RGS17: variants seen among roughly 807,000 people sequenced by gnomAD.
RGS17 encodes the protein regulator of G protein signaling 17.
RGS17 carries 12 observed loss-of-function variants against 25.5 expected under a neutral mutation model. The ratio of observed to expected loss-of-function variants is 0.47; its 90% CI spans 0.30 to 0.76. The LOEUF (loss-of-function observed/expected upper bound fraction) is 0.76, where lower values mean the gene tolerates loss of function less well. Among genes scored for constraint, RGS17 ranks in the 30% least tolerant of loss-of-function variants. RGS17 has a pLI of 0.07. For missense variants in RGS17, 196 were observed against 242.2 expected (o/e 0.81, Z 1.27); for synonymous variants, 71 against 76.9 (o/e 0.92, Z 0.40).
chr6:153,062,511 G>A (rs1395588331), intron 1 of RGS17, among the ~76,000 whole-genome samples: 1 of 152,108 alleles, frequency 6.6e-6, no homozygotes, highest in Non-Finnish European at 1.5e-5. Flanking sequence ...TGCCACTGTG[G>A]GCTAAAGTAC....
intron 1 of RGS17, among the ~76,000 whole-genome samples, chr6:153,053,982 T>C (rs1286352523): frequency 2.7e-5 from 1 of 36,736 alleles, no homozygotes; most frequent in Non-Finnish European, 4.8e-5. Context: ...TATATGTATA[T>C]ATGTATATAA....
chr6:153,045,803 A>G (rs751534279), intron 1 of RGS17, among the ~76,000 whole-genome samples: 1 of 152,194 alleles, frequency 6.6e-6, no homozygotes, highest in Non-Finnish European at 1.5e-5. Flanking sequence ...AAATGAAAGA[A>G]TACAATTTAA....
rs574443903 is a variant in RGS17, at chr6:153,059,340, G to A, written c.-25-15297C>T. 9.9e-4 allele frequency among the ~76,000 whole-genome samples: 150 copies of A among 152,228 alleles called. 1 individual carries two copies. Among genetic ancestry groups the A allele is most frequent in the African/African-American group, 3.3e-3 (138 of 41,552 alleles). ...CAGAGGCACCTTGTGTAGCTCAGCT[G>A]CTAGTTTTCATCCCCAGAAGGTTAA... On this transcript the variant is annotated intron_variant, in intron 1 of 4. Transcript: ENST00000206262.
At chr6:153,067,134 CA>C (rs1032233393) in intron 1 of RGS17, among the ~76,000 whole-genome samples, 11 of 151,910 alleles carry the variant, frequency 7.2e-5, no homozygotes, top group African/African-American at 2.7e-4. Flanking sequence ...TAAAAACCCT[CA>C]AAAAACCGGG....
chr6:153,027,091 T>C (rs934604649), intron 2 of RGS17, among the ~76,000 whole-genome samples: 4 of 152,150 alleles, frequency 2.6e-5, no homozygotes, highest in African/African-American at 9.7e-5. Flanking sequence ...ATATTTGACT[T>C]TGTTTTTGCC....
intron 1 of RGS17, among the ~76,000 whole-genome samples, chr6:153,072,414 T>C (rs1279559364): frequency 1.3e-5 from 2 of 152,178 alleles, no homozygotes; most frequent in African/African-American, 2.4e-5. Flanking sequence ...AGCTCTTCTT[T>C]TATTGAGGAG....
chr6:153,079,447 T>C (rs1465523257), intron 1 of RGS17, among the ~76,000 whole-genome samples: 6 of 152,366 alleles, frequency 3.9e-5, no homozygotes, highest in Non-Finnish European at 5.9e-5. Context: ...GTGTTTGCTA[T>C]TGATTTGTCA....
chr6:153,005,062 C>A lies in RGS17; in HGVS notation c.*6512G>T, dbSNP rs1041412961. 1 of 152,084 alleles carries A rather than the reference C, an allele frequency of 6.6e-6. No homozygotes were observed. The highest frequency in any genetic ancestry group is 6.5e-5 in the Admixed American group (1 of 15,270). The allele number at this position is 152,084 out of a possible 1,614,324, so 9.4% of individuals were successfully genotyped here. On this transcript the variant is annotated 3_prime_UTR_variant, in exon 5 of 5. Coordinates refer to ENST00000206262, the MANE Select transcript of RGS17 (RefSeq NM_012419.5). Reference sequence around the variant, plus strand: ...TACAAGAAAGGTGTTTATGACAAATCGGTTAAAGCTAGCGGGAAATAGGTC... The same window carrying A: ...TACAAGAAAGGTGTTTATGACAAATAGGTTAAAGCTAGCGGGAAATAGGTC...
At chr6:153,054,861 C>A (rs891621462) in intron 1 of RGS17, among the ~76,000 whole-genome samples, 15 of 151,998 alleles carry the variant, frequency 9.9e-5, no homozygotes, top group South Asian at 8.3e-4. Flanking sequence ...TGTGTAGTTC[C>A]CATACCATTT....
In RGS17 at chr6:153,127,970, G is replaced by C. The variant is rs530505672; in HGVS notation, c.-26+3154C>G. Among the ~76,000 whole-genome samples the C allele has an allele frequency of 3.9e-5, 6 of 152,312 alleles. No homozygotes were observed. The East Asian group carries it at 7.7e-4, about 20-fold the overall frequency. On this transcript the variant is annotated intron_variant, in intron 1 of 4. Transcript: ENST00000206262. ...GTGCCAGGTGCTGGCACAATAGCAG[G>C]AATGATCGTCTAAATGAATTTCTTT...
chr6:153,100,066 A>C (rs1777277001), intron 1 of RGS17, among the ~76,000 whole-genome samples: 2 of 152,218 alleles, frequency 1.3e-5, no homozygotes, highest in African/African-American at 4.8e-5. Context: ...ATTTTTCCTA[A>C]GAAATTAAAG....
rs1332267609 is a variant in RGS17, at chr6:153,046,447, T to C, written c.-25-2404A>G. On this transcript the variant is annotated intron_variant, in intron 1 of 4. Coordinates refer to ENST00000206262, the MANE Select transcript of RGS17 (RefSeq NM_012419.5). The stretch of plus-strand genomic sequence containing the variant: ...AGTGACCTTATCACTCTACATTTTA[T>C]GTACTGGAACAACATTATGTACCCC... 2.6e-5 allele frequency among the ~76,000 whole-genome samples: 4 copies of C among 152,144 alleles called. No individual in the cohort carries two copies. In the South Asian group the frequency reaches 6.2e-4, roughly 24 times the overall value.
rs1453712485 is a variant in RGS17 at position 153,005,802 on chromosome 6, T to C, written c.*5772A>G. 1 of 152,244 alleles carries C rather than the reference T, an allele frequency of 6.6e-6. No homozygotes were observed. The highest frequency in any genetic ancestry group is 2.4e-5 in the African/African-American group (1 of 41,416). The allele number at this position is 152,244 out of a possible 1,614,324, so 9.4% of individuals were successfully genotyped here. ...AGCCTAAGGAAACATGACAACTAAA[T>C]GTAATGTGGTATCCTGAATGGGATC... On this transcript the variant is annotated 3_prime_UTR_variant, in exon 5 of 5. Transcript: ENST00000206262.
rs1239635583 is a variant in RGS17 at position 153,053,895 on chromosome 6, C to T, written c.-25-9852G>A. 2.2e-5 allele frequency among the ~76,000 whole-genome samples: 3 copies of T among 136,366 alleles called. No individual in the cohort carries two copies. In the East Asian group the frequency reaches 6.4e-4, roughly 29 times the overall value. The allele number at this position is 136,366 out of a possible 152,430, so 89.5% of individuals were successfully genotyped here. ...ATACTTATCTATATTTTCTTTTTCA[C>T]ATACATACATACACACATTATATAT... On this transcript the variant is annotated intron_variant, in intron 1 of 4. Transcript: ENST00000206262.
chr6:153,073,020 TAC>T (rs1372505452), intron 1 of RGS17, among the ~76,000 whole-genome samples: 1 of 152,182 alleles, frequency 6.6e-6, no homozygotes, highest in Non-Finnish European at 1.5e-5. Context: ...AAGTTCCTAC[TAC>T]ACACACATCA....
intron 1 of RGS17, among the ~76,000 whole-genome samples, chr6:153,048,814 A>G (rs1468600724): frequency 6.6e-6 from 1 of 152,076 alleles, no homozygotes; most frequent in Non-Finnish European, 1.5e-5. Flanking sequence ...TTCCTGTTTA[A>G]CTTGTCTCCA....
rs987452841 is a variant in RGS17, at chr6:153,130,462, C to A, written c.-26+662G>T. On this transcript the variant is annotated intron_variant, in intron 1 of 4. Transcript: ENST00000206262. This position sits in a 1 kb window ranked among gnomAD's most constrained non-coding sequence, Gnocchi z 6.4. Reference sequence around the variant, plus strand: ...GGGAAGGAACAAAAGAGACCCCCCACCCCCTATACATACATACACATACAC... The same window carrying A: ...GGGAAGGAACAAAAGAGACCCCCCAACCCCTATACATACATACACATACAC... Among the ~76,000 whole-genome samples the A allele has an allele frequency of 1.0e-4, 15 of 145,732 alleles. No homozygotes were observed. Among genetic ancestry groups the A allele is most frequent in the South Asian group, 8.5e-4 (4 of 4,680 alleles).
chr6:153,090,034 T>C (rs1015408873), intron 1 of RGS17, among the ~76,000 whole-genome samples: 1 of 152,196 alleles, frequency 6.6e-6, no homozygotes, highest in Non-Finnish European at 1.5e-5. Flanking sequence ...ACTGAAGGAT[T>C]GAACAGTGTA....
Position 153,006,785 on chromosome 6 carries a change from A to T in RGS17, c.*4789T>A. ...AGTTATCCTGATAATTACGTATTTT[A>T]TTTGTCATTTGCAGATGAGGAAATG... is the stretch of plus-strand genomic sequence containing the variant. On this transcript the variant is annotated 3_prime_UTR_variant, in exon 5 of 5. Transcript: ENST00000206262. 1 of 149,764 alleles carries T rather than the reference A, an allele frequency of 6.7e-6. No individual in the cohort carries two copies. Among genetic ancestry groups the T allele is most frequent in the African/African-American group, 2.6e-5 (1 of 39,170 alleles). 9.3% of individuals were successfully genotyped at this position (149,764 alleles called of 1,614,324 possible).
Sources: gnomAD v4.1 joint callset for allele counts (sites outside exome capture counted in the v4.1 genomes callset) on GRCh38, gnomAD v4.1.1 for gene constraint, Gnocchi (gnomAD v3.1) non-coding constraint, MANE v1.5 for transcripts, NCBI Gene and HGNC (gene_info 2026-07-23, HGNC 2026-07-21) for gene names.